The following C15orf39 variants were observed in gnomAD, a reference collection of about 807,000 sequenced individuals.
C15orf39 encodes the protein PRMT2 interacting protein.
C15orf39 carries 24 observed loss-of-function variants against 53.9 expected under a neutral mutation model. That is an observed-to-expected ratio of 0.45 (90% confidence interval 0.32 to 0.63). The LOEUF (loss-of-function observed/expected upper bound fraction) is 0.63, where lower values mean the gene tolerates loss of function less well. C15orf39 is among the 20% of genes least tolerant of loss of function. The probability of loss-of-function intolerance (pLI) is 0.04; values close to 1 mark genes in which losing one functional copy is unlikely to be tolerated. For missense variants in C15orf39, 1,271 were observed against 1,347.9 expected, an observed-to-expected ratio of 0.94 and a Z score of 0.89; for synonymous variants, 569 against 576.5, an observed-to-expected ratio of 0.99 and a Z score of 0.19.
chr15:75,199,825 C>T (rs1352809394), upstream of C15orf39, among the ~76,000 whole-genome samples: 1 of 152,154 alleles, frequency 6.6e-6, no homozygotes, highest in African/African-American at 2.4e-5. Context: ...ACAGACTGTT[C>T]CCTTCTCTGC....
Position 75,211,287 on chromosome 15 carries a change from T to A in C15orf39, c.*171T>A. The stretch of plus-strand genomic sequence containing the variant: ...GTGGGCTGAAGAGCCCCTGAGCTTT[T>A]AACGTGAGGGTCTTTATTGGATAGG... On this transcript the variant is annotated 3_prime_UTR_variant, in exon 3 of 3. Coordinates refer to ENST00000394987, the MANE Select transcript of C15orf39 (RefSeq NM_015492.5). The A allele has an allele frequency of 1.2e-6, 1 of 822,128 alleles. No individual in the cohort carries two copies. The highest frequency in any genetic ancestry group is 1.8e-6 in the Non-Finnish European group (1 of 549,392). The allele number at this position is 822,128 out of a possible 1,614,324, so 50.9% of individuals were successfully genotyped here.
intron 2 of C15orf39, 92 bp downstream of exon 2, chr15:75,208,916 T>C: frequency 6.7e-7 from 1 of 1,492,264 alleles, no homozygotes; most frequent in Non-Finnish European, 8.9e-7. Context: ...TGGGGCTGAG[T>C]GATTCCAAGG....
At position 75,207,434 on chromosome 15, in the gene C15orf39, C is replaced by T. The variant is rs572231506; in HGVS notation, c.1386C>T (p.Ile462=). The T allele has an allele frequency of 1.1e-5, 17 of 1,613,558 alleles. No homozygotes were observed. The highest frequency in any genetic ancestry group is 2.7e-5 in the African/African-American group (2 of 75,032). The stretch of plus-strand genomic sequence containing the variant: ...TCAGTGAGCACTCTGGGCCGCCCAT[C>T]GTCATCCGAGACAGTCCAGTTCCCT... ...PRLSEHSGPP[I]VIRDSPVPCT... is the part of the protein sequence containing the mutation. Residue 462 remains isoleucine, a synonymous_variant, in exon 2 of 3, where the codon ATC becomes ATT. Coordinates refer to ENST00000394987, the MANE Select transcript of C15orf39 (RefSeq NM_015492.5).
Position 75,206,826 on chromosome 15 carries a change from C to T in C15orf39, c.778C>T (p.Pro260Ser), listed in dbSNP as rs754120764. The change falls in exon 2 of 3, where the codon CCC becomes TCC. Residue 260 changes from proline (P) to serine (S), a missense_variant. Physicochemically the swap from Pro to Ser is moderately conservative, Grantham distance 74. Transcript: ENST00000394987. ...WTQLAQPLGP[P>S]CQDTGPTHYP... ...CCAGCTGGCCCAGCCCCTGGGGCCA[C>T]CCTGTCAGGACACCGGGCCCACCCA... is the stretch of plus-strand genomic sequence containing the variant. The T allele has an allele frequency of 3.7e-6, 6 of 1,602,646 alleles. No homozygotes were observed. In the Admixed American group the frequency reaches 1.0e-4, roughly 27 times the overall value.
Position 75,206,344 on chromosome 15 carries a change from A to T in C15orf39, c.296A>T (p.Glu99Val). ...TNCLFYRSPA[E>V]GPEKMQDSSP... ...TGCCTGTTCTACCGCTCGCCAGCAG[A>T]AGGCCCTGAGAAGATGCAGGACTCC... Residue 99 changes from glutamate (E) to valine (V), a missense_variant, in exon 2 of 3, where the codon GAA becomes GTA. This residue lies in a region of C15orf39 where 994 missense variants were observed against 993.7 expected (regional missense o/e 1.00). Transcript: ENST00000394987. 6.2e-7 allele frequency: 1 copy of T among 1,614,070 alleles called. No individual in the cohort carries two copies. Among genetic ancestry groups the T allele is most frequent in the Non-Finnish European group, 8.5e-7 (1 of 1,179,982 alleles).
Position 75,206,531 on chromosome 15 carries a change from G to A in C15orf39, c.483G>A (p.Leu161=). The A allele has an allele frequency of 6.2e-7, 1 of 1,614,042 alleles. No homozygotes were observed. Among genetic ancestry groups the A allele is most frequent in the South Asian group, 1.1e-5 (1 of 91,078 alleles). Residue 161 remains leucine (L), a synonymous_variant, in exon 2 of 3, where the codon CTG becomes CTA. Transcript: ENST00000394987. The stretch of plus-strand genomic sequence containing the variant: ...GGCCACTGGATGTTGACTGGACTCT[G>A]GCGACTGGGCCCCTGTTGCCCTCAG... The part of the protein sequence containing the change: ...VKRPLDVDWT[L]ATGPLLPSAD...
intron 2 of C15orf39, among the ~76,000 whole-genome samples, chr15:75,209,879 T>G (rs2141602841): frequency 6.6e-6 from 1 of 152,334 alleles, no homozygotes; most frequent in Non-Finnish European, 1.5e-5. Context: ...AGGGGCTGGC[T>G]GACCAGAATC....
chr15:75,210,937 C>G lies in C15orf39; in HGVS notation c.2965C>G (p.Pro989Ala), dbSNP rs1037864962. 6.2e-7 allele frequency: 1 copy of G among 1,613,428 alleles called. No individual in the cohort carries two copies. Among genetic ancestry groups the G allele is most frequent in the Non-Finnish European group, 8.5e-7 (1 of 1,179,990 alleles). ...AAGEESCGAS[P>A]TPATSASPPG... ...TGGGGAAGAGTCCTGTGGTGCCTCC[C>G]CTACCCCTGCTACCAGTGCCAGCCC... Residue 989 changes from proline to alanine, a missense_variant, in exon 3 of 3, where the codon CCT becomes GCT. Transcript: ENST00000394987.
rs375288255 is a variant in C15orf39 at position 75,207,232 on chromosome 15, G to A, written c.1184G>A (p.Gly395Glu). 1 of 1,613,746 alleles carries A rather than the reference G, an allele frequency of 6.2e-7. No individual in the cohort carries two copies. Among genetic ancestry groups the A allele is most frequent in the East Asian group, 2.2e-5 (1 of 44,846 alleles). Residue 395 changes from glycine (G) to glutamate (E), a missense_variant, in exon 2 of 3, where the codon GGA becomes GAA. Physicochemically the swap from Gly to Glu is moderately conservative, Grantham distance 98. This residue lies in a region of C15orf39 where 994 missense variants were observed against 993.7 expected (regional missense o/e 1.00). Coordinates refer to ENST00000394987, the MANE Select transcript of C15orf39 (RefSeq NM_015492.5). ...LSLYGASPGLGGTPPSQNNVR... is the reference protein window; with the variant it reads ...LSLYGASPGLEGTPPSQNNVR... Reference sequence around the variant, plus strand: ...CTCTATGGAGCATCCCCTGGGCTTGGAGGGACACCACCTTCCCAGAACAAT... The same window carrying A: ...CTCTATGGAGCATCCCCTGGGCTTGAAGGGACACCACCTTCCCAGAACAAT...
chr15:75,206,566 C>A lies in C15orf39; in HGVS notation c.518C>A (p.Pro173His). 1 of 1,613,862 alleles carries A rather than the reference C, an allele frequency of 6.2e-7. No individual in the cohort carries two copies. Among genetic ancestry groups the A allele is most frequent in the Non-Finnish European group, 8.5e-7 (1 of 1,179,904 alleles). The change falls in exon 2 of 3, where the codon CCC becomes CAC. Residue 173 changes from proline (P) to histidine (H), a missense_variant. Around this residue, in one of 2 missense-constraint regions of C15orf39, gnomAD observed 994 missense variants for 993.7 expected, o/e 1.00. Coordinates refer to ENST00000394987, the MANE Select transcript of C15orf39 (RefSeq NM_015492.5). ...TGPLLPSADPPCSLAPAPSKG... is the reference protein window; with the variant it reads ...TGPLLPSADPHCSLAPAPSKG... ...CCCCTGTTGCCCTCAGCTGACCCAC[C>A]CTGCTCTCTGGCCCCAGCTCCTAGC...
chr15:75,203,794 A>AG (rs1284673344), intron 1 of C15orf39, among the ~76,000 whole-genome samples: 2 of 152,028 alleles, frequency 1.3e-5, no homozygotes, highest in African/African-American at 4.8e-5. Flanking sequence ...CCAAGGGTGG[A>AG]GGTGGGGAGG....
rs139044762 is a variant in C15orf39 at position 75,207,808 on chromosome 15, C to T, written c.1760C>T (p.Pro587Leu). Residue 587 changes from proline to leucine, a missense_variant, in exon 2 of 3, where the codon CCT becomes CTT. Physicochemically the swap from Pro to Leu is moderately conservative, Grantham distance 98. Transcript: ENST00000394987. The part of the protein sequence containing the change: ...SVRKPTAEAS[P>L]VKASRSVEHA... ...AGGAAGCCCACAGCAGAGGCCTCCCCTGTCAAGGCTTCCCGTTCTGTGGAG... is the reference window on the plus strand; with the variant it reads ...AGGAAGCCCACAGCAGAGGCCTCCCTTGTCAAGGCTTCCCGTTCTGTGGAG... 1 of 1,612,246 alleles carries T rather than the reference C, an allele frequency of 6.2e-7. No individual in the cohort carries two copies. Among genetic ancestry groups the T allele is most frequent in the African/African-American group, 1.3e-5 (1 of 75,028 alleles).
Position 75,207,132 on chromosome 15 carries a change from C to T in C15orf39, c.1084C>T (p.Pro362Ser), listed in dbSNP as rs1184267628. 1.2e-6 allele frequency: 2 copies of T among 1,613,740 alleles called. No homozygotes were observed. Among genetic ancestry groups the T allele is most frequent in the East Asian group, 4.5e-5 (2 of 44,878 alleles). ...CTCTCCAGGCCTCAAGCTGGAGCCG[C>T]CTCTCACTCCACGGTGCCCATTGGA... ...APSPGLKLEP[P>S]LTPRCPLDFA... The change falls in exon 2 of 3, where the codon CCT (proline) becomes TCT (serine). Residue 362 changes from proline (P) to serine (S), a missense_variant. Pro to Ser is a moderately conservative substitution (Grantham distance 74). Transcript: ENST00000394987.
rs1220436679 is a variant in C15orf39 at position 75,211,010 on chromosome 15, C to T, written c.3038C>T (p.Ala1013Val). The change falls in exon 3 of 3, where the codon GCC (alanine) becomes GTC (valine). Residue 1013 changes from alanine (A) to valine (V), a missense_variant. This residue lies in a region of C15orf39 where 277 missense variants were observed against 354.1 expected (regional missense o/e 0.78). Transcript: ENST00000394987. ...KARFRSLLETAWLNGLALPTW... is the reference protein window; with the variant it reads ...KARFRSLLETVWLNGLALPTW... ...CGCTTCCGCAGTCTGCTGGAGACCG[C>T]CTGGCTCAATGGCCTGGCTCTGCCC... 3.1e-6 allele frequency: 5 copies of T among 1,611,914 alleles called. No individual in the cohort carries two copies. In the Admixed American group the frequency reaches 8.3e-5, roughly 27 times the overall value.
At chr15:75,208,986 C>A in intron 2 of C15orf39, 162 bp downstream of exon 2, 1 of 1,240,172 alleles carries the variant, frequency 8.1e-7, no homozygotes, top group African/African-American at 1.5e-5. Context: ...CCTTGACCCT[C>A]CAGACAATCA....
rs754253972 is a variant in C15orf39, at chr15:75,208,778, C to T, written c.2730C>T (p.Pro910=). The T allele has an allele frequency of 2.7e-5, 43 of 1,607,600 alleles. No homozygotes were observed. The highest frequency in any genetic ancestry group is 4.4e-5 in the South Asian group (4 of 90,946). Residue 910 remains proline, a synonymous_variant, in exon 2 of 3, where the codon CCC becomes CCT. Transcript: ENST00000394987. ...LALRQLPDIY[P]DLLGLQWRDC... is the part of the protein sequence containing the mutation. Reference sequence around the variant, plus strand: ...TGCGCCAGCTGCCGGACATTTACCCCGACCTTCTCGGCCTGCAGTGGCGCG... The same window carrying T: ...TGCGCCAGCTGCCGGACATTTACCCTGACCTTCTCGGCCTGCAGTGGCGCG...
upstream of C15orf39, among the ~76,000 whole-genome samples, chr15:75,200,520 G>A (rs984771629): frequency 7.2e-5 from 11 of 152,214 alleles, no homozygotes; most frequent in African/African-American, 2.7e-4. Context: ...GGAGGGGCGA[G>A]CAGAGTTGGT....
At position 75,207,543 on chromosome 15, in the gene C15orf39, C is replaced by T. The variant is rs763425676; in HGVS notation, c.1495C>T (p.Pro499Ser). 1.2e-6 allele frequency: 2 copies of T among 1,613,596 alleles called. No homozygotes were observed. The highest frequency in any genetic ancestry group is 1.7e-6 in the Non-Finnish European group (2 of 1,180,000). The change falls in exon 2 of 3, where the codon CCA becomes TCA. Residue 499 changes from proline to serine, a missense_variant. By Grantham distance (74) the Pro-to-Ser change is moderately conservative. Coordinates refer to ENST00000394987, the MANE Select transcript of C15orf39 (RefSeq NM_015492.5). ...KEGARPPSSP[P>S]MPVIDNVFSL... ...GGGCGCAAGGCCACCCAGCTCTCCA[C>T]CAATGCCTGTCATTGACAATGTCTT...
Position 75,208,528 on chromosome 15 carries a change from G to C in C15orf39, c.2480G>C (p.Arg827Pro). 1.3e-6 allele frequency: 2 copies of C among 1,577,158 alleles called. No homozygotes were observed. Among genetic ancestry groups the C allele is most frequent in the Non-Finnish European group, 1.7e-6 (2 of 1,163,458 alleles). ...CTGTCTCAGCTGCAGCGCTTCGATC[G>C]CACCCACCGGTGCCCCTTCCCCCAT... ...KLLSQLQRFD[R>P]THRCPFPHVV... The change falls in exon 2 of 3, where the codon CGC becomes CCC. Residue 827 changes from arginine to proline, a missense_variant. Around this residue, in one of 2 missense-constraint regions of C15orf39, gnomAD observed 277 missense variants for 354.1 expected, o/e 0.78. Coordinates refer to ENST00000394987, the MANE Select transcript of C15orf39 (RefSeq NM_015492.5).
Sources: allele counts gnomAD v4.1 joint callset (sites outside exome capture counted in the v4.1 genomes callset), GRCh38; gene constraint gnomAD v4.1.1; regional missense constraint gnomAD v4.1.1; transcripts MANE v1.5; gene names NCBI Gene and HGNC (gene_info 2026-07-23, HGNC 2026-07-21).